The following KATNA1 variants were observed in gnomAD, a reference collection of about 807,000 sequenced individuals.
KATNA1 encodes the protein katanin catalytic subunit A1, also known as katanin p60 ATPase-containing subunit A1.
A neutral mutation model predicts 62.6 loss-of-function variants in KATNA1; 42 were observed. The ratio of observed to expected loss-of-function variants is 0.67; its 90% CI spans 0.52 to 0.87. The LOEUF is 0.87. KATNA1 is among the 40% of genes least tolerant of loss of function. The pLI is 0.00. For missense variants in KATNA1, 498 were observed against 612.5 expected (o/e 0.81, Z 1.97); for synonymous variants, 186 against 201.9 (o/e 0.92, Z 0.67).
intron 4 of KATNA1, among the ~76,000 whole-genome samples, chr6:149,607,908 A>G (rs1420008152): frequency 1.3e-5 from 2 of 152,102 alleles, no homozygotes; most frequent in East Asian, 3.9e-4. Flanking sequence ...TCTACTAACA[A>G]TACAAAAATT....
chr6:149,600,192 CT>C lies in KATNA1; in HGVS notation c.888+1401del, dbSNP rs1778482846. 5.7e-5 allele frequency among the ~76,000 whole-genome samples: 4 copies of C among 70,066 alleles called. No homozygotes were observed. The Admixed American group carries it at 8.8e-4, about 15-fold the overall frequency. The allele number at this position is 70,066 out of a possible 152,430, so 46.0% of individuals were successfully genotyped here. On this transcript the variant is annotated intron_variant, in intron 7 of 10. Transcript: ENST00000367411. The stretch of plus-strand genomic sequence containing the variant: ...CCTGTGCAATATAGTGAGAGCTTAT[CT>C]TAAAAAAAAAAAAAAAAAAAAAAAA...
chr6:149,601,861 G>A, intron 6 of KATNA1, 109 bp from the exon 7 acceptor site: 3 of 702,746 alleles, frequency 4.3e-6, no homozygotes, highest in Non-Finnish European at 6.3e-6. Flanking sequence ...ATAATATCAA[G>A]ACAAATAAAA....
intron 4 of KATNA1, among the ~76,000 whole-genome samples, chr6:149,618,155 GAA>G (rs548492724): frequency 4.5e-5 from 4 of 87,988 alleles, no homozygotes; most frequent in Non-Finnish European, 9.6e-5. Context: ...CTCCATCTCA[GAA>G]AAAAAAAAAA....
At chr6:149,596,348 A>T (rs1362806691) in intron 10 of KATNA1, among the ~76,000 whole-genome samples, 2 of 152,274 alleles carry the variant, frequency 1.3e-5, no homozygotes, top group South Asian at 2.1e-4. Context: ...CAGCCTGGTC[A>T]ACATGGTGAA....
At chr6:149,597,678 A>C in intron 8 of KATNA1, 37 bp from the exon 9 acceptor site, 1 of 1,588,310 alleles carries the variant, frequency 6.3e-7, no homozygotes, top group Non-Finnish European at 8.6e-7. Flanking sequence ...AAAAGATATT[A>C]AGTTGGATTA....
chr6:149,638,260 C>T (rs1780143023), intron 2 of KATNA1, 126 bp downstream of exon 2: 1 of 827,404 alleles, frequency 1.2e-6, no homozygotes, highest in African/African-American at 1.7e-5. Context: ...AGGAGTGAGC[C>T]ACTGTGTACT....
chr6:149,644,992 C>G (rs11155670), intron 1 of KATNA1, among the ~76,000 whole-genome samples: 61,761 of 151,972 alleles, frequency 0.41, 13,401 homozygotes, highest in East Asian at 0.81. Context: ...ACTCTCTAAG[C>G]CCAAAACATC....
At chr6:149,626,112 C>T (rs147812355) in intron 3 of KATNA1, among the ~76,000 whole-genome samples, 1 of 152,218 alleles carries the variant, frequency 6.6e-6, no homozygotes, top group African/African-American at 2.4e-5. Flanking sequence ...TAGACACTGA[C>T]ATATAATAAA....
chr6:149,614,790 C>G (rs536406033), intron 4 of KATNA1, among the ~76,000 whole-genome samples: 5 of 152,014 alleles, frequency 3.3e-5, no homozygotes, highest in Non-Finnish European at 7.4e-5. Context: ...ATAAAATATA[C>G]AAATATACAC....
At chr6:149,642,405 A>G (rs904146830) in intron 1 of KATNA1, among the ~76,000 whole-genome samples, 1 of 152,192 alleles carries the variant, frequency 6.6e-6, no homozygotes, top group African/African-American at 2.4e-5. Flanking sequence ...ATATGTATAT[A>G]TACACCCCAT....
At chr6:149,641,672 G>GAC (rs1157083561) in intron 1 of KATNA1, among the ~76,000 whole-genome samples, 1 of 152,060 alleles carries the variant, frequency 6.6e-6, no homozygotes, top group Non-Finnish European at 1.5e-5. Context: ...AATGCATCAA[G>GAC]ACACACACCA....
At chr6:149,645,123 T>C (rs1002914549) in intron 1 of KATNA1, among the ~76,000 whole-genome samples, 1 of 152,160 alleles carries the variant, frequency 6.6e-6, no homozygotes, top group Admixed American at 6.6e-5. Flanking sequence ...GCACAATATC[T>C]GGCAATATTT....
At chr6:149,597,001 C>CA in intron 10 of KATNA1, 62 bp downstream of exon 10, 1 of 1,576,608 alleles carries the variant, frequency 6.3e-7, no homozygotes, top group Non-Finnish European at 8.6e-7. Flanking sequence ...AAAACAAAAC[C>CA]AAAAAACTTC....
chr6:149,604,540 C>T (rs755141283), intron 5 of KATNA1, 121 bp downstream of exon 5: 102 of 1,035,088 alleles, frequency 9.9e-5, no homozygotes, highest in Non-Finnish European at 1.3e-4. Context: ...GTCATGCTCA[C>T]GCTGCACATA....
rs1419881008 is a variant in KATNA1 at position 149,595,160 on chromosome 6, T to G, written c.1352A>C (p.Glu451Ala). The G allele has an allele frequency of 6.2e-7, 1 of 1,614,134 alleles. No individual in the cohort carries two copies. The highest frequency in any genetic ancestry group is 8.5e-7 in the Non-Finnish European group (1 of 1,179,986). The change falls in exon 11 of 11, where the codon GAA becomes GCA. Residue 451 changes from glutamate (E) to alanine (A), a missense_variant. Glu to Ala is a moderately radical substitution (Grantham distance 107, BLOSUM62 -1). Coordinates refer to ENST00000367411, the MANE Select transcript of KATNA1 (RefSeq NM_007044.4). Reference protein sequence around the residue: ...TPEEIRNLSKEEMHMPTTMED... With the variant: ...TPEEIRNLSKAEMHMPTTMED... ...CATAGTTGTAGGCATGTGCATTTCT[T>G]CTTTGGAAAGATTTCGGATTTCCTC...
rs1278194101 is a variant in KATNA1 at position 149,638,454 on chromosome 6, C to A, written c.94G>T (p.Val32Phe). The change falls in exon 2 of 11, where the codon GTT (valine) becomes TTT (phenylalanine). Residue 32 changes from valine to phenylalanine, a missense_variant. Around this residue, in one of 3 missense-constraint regions of KATNA1, gnomAD observed 28 missense variants for 41.6 expected, o/e 0.67. Transcript: ENST00000367411. ...AGATACTTGTTCATTTGGTCAAGAA[C>A]TCCCTGATAATAGACCATCGCAGAG... Reference protein sequence around the residue: ...YDSAMVYYQGVLDQMNKYLYS... With the variant: ...YDSAMVYYQGFLDQMNKYLYS... 1.2e-6 allele frequency: 2 copies of A among 1,613,786 alleles called. No homozygotes were observed. The highest frequency in any genetic ancestry group is 3.3e-5 in the Admixed American group (2 of 59,960).
chr6:149,597,547 T>C lies in KATNA1; in HGVS notation c.1110A>G (p.Arg370=). 1 of 1,614,074 alleles carries C rather than the reference T, an allele frequency of 6.2e-7. No homozygotes were observed. The highest frequency in any genetic ancestry group is 8.5e-7 in the Non-Finnish European group (1 of 1,179,944). The change falls in exon 9 of 11, where the codon AGA becomes AGG. Residue 370 remains arginine (R), a synonymous_variant. Coordinates refer to ENST00000367411, the MANE Select transcript of KATNA1 (RefSeq NM_007044.4). ...TATAGATTCGTTTCTCAAGGCGTCG[T>C]CTTAAAGCCTCATCTATATCCCAGG... The part of the protein sequence containing the change: ...NFPWDIDEAL[R]RRLEKRIYIP...
chr6:149,610,555 C>T (rs907166545), intron 4 of KATNA1, among the ~76,000 whole-genome samples: 14 of 151,968 alleles, frequency 9.2e-5, no homozygotes, highest in African/African-American at 3.4e-4. Flanking sequence ...AGGAAGAAAA[C>T]AAGAAAATCT....
At chr6:149,612,959 C>G (rs1424292037) in intron 4 of KATNA1, among the ~76,000 whole-genome samples, 2 of 151,734 alleles carry the variant, frequency 1.3e-5, no homozygotes, top group South Asian at 4.2e-4. Flanking sequence ...TATCCTCAAC[C>G]TGATAAAGAG....
Sources: allele counts gnomAD v4.1 joint callset (sites outside exome capture counted in the v4.1 genomes callset), GRCh38; gene constraint gnomAD v4.1.1; regional missense constraint gnomAD v4.1.1; transcripts MANE v1.5; gene names NCBI Gene and HGNC (gene_info 2026-07-23, HGNC 2026-07-21).